The following TRPM3 variants were observed in gnomAD, a reference collection of about 807,000 sequenced individuals.
The protein encoded by TRPM3 is transient receptor potential cation channel subfamily M member 3.
Under a neutral mutation model 181.2 loss-of-function variants are expected in TRPM3, and 77 were observed. That is an observed-to-expected ratio of 0.42 (90% CI 0.35 to 0.51). The LOEUF (loss-of-function observed/expected upper bound fraction) is 0.51. Ranked by LOEUF, TRPM3 falls within the 20% of genes least tolerant of loss-of-function variation. The probability of loss-of-function intolerance (pLI) is 0.01; values close to 1 mark genes in which losing one functional copy is unlikely to be tolerated. For synonymous variants in TRPM3, 745 were observed against 796.4 expected (o/e 0.94, Z 1.09); for missense variants, 1,759 against 2,196.7 (o/e 0.80, Z 3.98).
At chr9:70,908,390 T>TGC (rs1257322246) in intron 1 of TRPM3, among the ~76,000 whole-genome samples, 2 of 152,246 alleles carry the variant, frequency 1.3e-5, no homozygotes, top group Non-Finnish European at 2.9e-5. Flanking sequence ...GACCAATGTT[T>TGC]GCACTGCAAC....
chr9:70,853,973 T>G (rs2095314417), intron 3 of TRPM3, among the ~76,000 whole-genome samples: 2 of 152,232 alleles, frequency 1.3e-5, no homozygotes, highest in African/African-American at 4.8e-5. Flanking sequence ...GATATTCCTA[T>G]GCTCATAAAG....
chr9:71,248,413 G>A (rs935251253), intron 1 of TRPM3, among the ~76,000 whole-genome samples: 1 of 152,110 alleles, frequency 6.6e-6, no homozygotes, highest in African/African-American at 2.4e-5. Flanking sequence ...ACAATCACAT[G>A]GTGACCATGA....
At chr9:70,846,723 G>C in intron 3 of TRPM3, 132 bp from the exon 4 acceptor site, 3 of 677,758 alleles carry the variant, frequency 4.4e-6, no homozygotes, top group South Asian at 3.9e-5. Context: ...TTTTTAAAAG[G>C]GGTGATCATT....
chr9:70,909,552 G>C (rs962918151), intron 1 of TRPM3, among the ~76,000 whole-genome samples: 1 of 151,994 alleles, frequency 6.6e-6, no homozygotes, highest in Admixed American at 6.6e-5. Context: ...AGGTTGGGCT[G>C]TCCATTGAGC....
At chr9:70,836,959 C>T (rs1025264864) in intron 5 of TRPM3, among the ~76,000 whole-genome samples, 9 of 152,184 alleles carry the variant, frequency 5.9e-5, no homozygotes, top group African/African-American at 1.9e-4. Context: ...TCACTAGAAC[C>T]GCATTTCCCA....
chr9:71,011,378 T>C (rs978409377), intron 1 of TRPM3, among the ~76,000 whole-genome samples: 1 of 152,184 alleles, frequency 6.6e-6, no homozygotes, highest in Non-Finnish European at 1.5e-5. Flanking sequence ...ACATTATACA[T>C]GCATTGAAAA....
chr9:70,836,061 TG>T (rs1207136626), intron 5 of TRPM3, among the ~76,000 whole-genome samples: 2 of 152,168 alleles, frequency 1.3e-5, no homozygotes, highest in Non-Finnish European at 2.9e-5. Context: ...TAGTTGTTGT[TG>T]GGGCTATTAT....
intron 9 of TRPM3, among the ~76,000 whole-genome samples, chr9:70,674,921 C>G (rs1028141889): frequency 3.8e-4 from 57 of 151,298 alleles, no homozygotes; most frequent in Middle Eastern, 3.4e-3. Context: ...TTTCTTTTTT[C>G]CCCTAAAGAT....
intron 18 of TRPM3, among the ~76,000 whole-genome samples, chr9:70,612,841 A>C (rs1365850662): frequency 6.6e-6 from 1 of 152,154 alleles, no homozygotes; most frequent in Non-Finnish European, 1.5e-5. Flanking sequence ...CTGCTTATTT[A>C]TATGCTTGAG....
At chr9:70,620,414 C>T (rs1386076735) in intron 15 of TRPM3, 49 bp from the exon 16 acceptor site, 1 of 1,555,010 alleles carries the variant, frequency 6.4e-7, no homozygotes, top group Non-Finnish European at 8.7e-7. Context: ...TGAATTGGTT[C>T]ATTTCAGCAA....
chr9:70,801,135 TAG>T (rs2088880630), intron 6 of TRPM3, among the ~76,000 whole-genome samples: 1 of 152,202 alleles, frequency 6.6e-6, no homozygotes, highest in East Asian at 1.9e-4. Flanking sequence ...AGGTATAAAC[TAG>T]AGTTATTTGA....
At chr9:70,881,607 C>T (rs1275539515) in intron 1 of TRPM3, among the ~76,000 whole-genome samples, 1 of 152,124 alleles carries the variant, frequency 6.6e-6, no homozygotes, top group Non-Finnish European at 1.5e-5. Context: ...TTGGTAAGTA[C>T]CATCGAGTGA....
chr9:70,779,305 C>A (rs995673611), intron 7 of TRPM3, among the ~76,000 whole-genome samples: 1 of 152,078 alleles, frequency 6.6e-6, no homozygotes, highest in Non-Finnish European at 1.5e-5. Context: ...CTTTCTGCTA[C>A]CAGAAAGCTC....
intron 1 of TRPM3, among the ~76,000 whole-genome samples, chr9:71,374,583 G>A (rs1056683638): frequency 6.6e-6 from 1 of 152,130 alleles, no homozygotes; most frequent in East Asian, 1.9e-4. Context: ...CATACTATTG[G>A]AAGTTCTGGC....
intron 7 of TRPM3, 199 bp downstream of exon 7, chr9:70,783,906 T>A (rs2083016625): frequency 1.5e-6 from 2 of 1,297,010 alleles, no homozygotes; most frequent in Admixed American, 7.2e-5. Flanking sequence ...TTCATAGAAT[T>A]TCCCACTTCA....
intron 1 of TRPM3, among the ~76,000 whole-genome samples, chr9:71,408,009 C>G (rs2093470122): frequency 6.6e-6 from 1 of 152,160 alleles, no homozygotes. Flanking sequence ...AGATAATGGT[C>G]CTGACTGTTA....
At chr9:71,212,370 T>C (rs2079560625) in intron 1 of TRPM3, among the ~76,000 whole-genome samples, 1 of 152,220 alleles carries the variant, frequency 6.6e-6, no homozygotes, top group Admixed American at 6.5e-5. Flanking sequence ...TGTTTAGTTT[T>C]AATTTAGACT....
At chr9:71,110,170 A>T (rs1307730343) in intron 1 of TRPM3, among the ~76,000 whole-genome samples, 1 of 152,120 alleles carries the variant, frequency 6.6e-6, no homozygotes, top group Admixed American at 6.6e-5. Context: ...GACAAATAGG[A>T]ACATCCAAAT....
intron 1 of TRPM3, among the ~76,000 whole-genome samples, chr9:71,067,242 C>T (rs1485666569): frequency 2.6e-5 from 4 of 151,952 alleles, no homozygotes; most frequent in African/African-American, 9.7e-5. Context: ...TTTTAACTAG[C>T]AAGGCAGCAG....
Sources: allele counts gnomAD v4.1 joint callset (sites outside exome capture counted in the v4.1 genomes callset), GRCh38; gene constraint gnomAD v4.1.1; transcripts MANE v1.5; gene names NCBI Gene and HGNC (gene_info 2026-07-23, HGNC 2026-07-21).